The following GPC3 variants were observed in gnomAD, a reference collection of about 807,000 sequenced individuals.
The protein encoded by GPC3 is glypican 3, also known as glypican-3.
In GPC3, 3 loss-of-function variants were observed where a neutral mutation model predicts 34.4. The observed-to-expected ratio is 0.09, with a 90% confidence interval of 0.04 to 0.23. The LOEUF is 0.23. GPC3 is among the 10% of genes least tolerant of loss of function. The pLI is 1.00. For missense variants in GPC3, 351 were observed against 445.6 expected (o/e 0.79, Z 1.91); for synonymous variants, 177 against 174.0 (o/e 1.02, Z -0.13).
intron 2 of GPC3, among the ~76,000 whole-genome samples, chrX:133,805,157 T>C (rs1313987904): frequency 8.9e-6 from 1 of 112,231 alleles, no homozygotes; most frequent in African/African-American, 3.2e-5. Context: ...TGTTTAATTA[T>C]CTGATTATTT....
chrX:133,774,359 G>A (rs892743890), intron 2 of GPC3, among the ~76,000 whole-genome samples: 2 of 111,621 alleles, frequency 1.8e-5, no homozygotes, highest in African/African-American at 3.3e-5. Flanking sequence ...CTGAACACTA[G>A]TGTACCCATT....
rs61754632 is a variant in GPC3 at position 133,953,183 on chromosome X, C to T, written c.204G>A (p.Lys68=). 2,426 of 1,207,011 alleles carry T rather than the reference C, an allele frequency of 2.0e-3. 31 individuals are homozygous for T. The African/African-American group carries it at 0.036, about 18-fold the overall frequency. ...PGSDLQVCLP[K]GPTCCSRKME... is the part of the protein sequence containing the mutation. ...TCTTTCTTGAGCAGCATGTTGGGCC[C>T]TTAGGGAGACATACTTGCAAATCTG... Residue 68 remains lysine (K), a synonymous_variant, in exon 2 of 8, where the codon AAG becomes AAA. Transcript: ENST00000370818.
At chrX:133,847,531 C>T (rs1039984320) in intron 2 of GPC3, among the ~76,000 whole-genome samples, 1 of 112,208 alleles carries the variant, frequency 8.9e-6, no homozygotes, top group African/African-American at 3.2e-5. Context: ...TTTTAGGAGA[C>T]TTTTCCATTG....
intron 2 of GPC3, among the ~76,000 whole-genome samples, chrX:133,891,818 AT>A (rs1282473005): frequency 9.3e-6 from 1 of 106,965 alleles, no homozygotes; most frequent in Non-Finnish European, 1.9e-5. Context: ...AAAAAAAAAA[AT>A]TCTGAGGCAT....
chrX:133,727,725 T>C (rs2071424191), intron 3 of GPC3, among the ~76,000 whole-genome samples: 1 of 112,056 alleles, frequency 8.9e-6, no homozygotes. Flanking sequence ...TCTAAGGATC[T>C]TGCAAGTAGC....
At chrX:133,543,388 G>T (rs188526748) in intron 7 of GPC3, among the ~76,000 whole-genome samples, 13 of 112,119 alleles carry the variant, frequency 1.2e-4, no homozygotes, top group Non-Finnish European at 2.1e-4. Flanking sequence ...CAAAGTGCGT[G>T]GATTACAGGT....
At chrX:133,702,827 C>G (rs2071178725) in intron 3 of GPC3, among the ~76,000 whole-genome samples, 1 of 111,766 alleles carries the variant, frequency 8.9e-6, no homozygotes, top group Non-Finnish European at 1.9e-5. Flanking sequence ...ATCAGACAGG[C>G]TGCATTTTCC....
At chrX:133,733,822 A>G (rs1299462345) in intron 3 of GPC3, among the ~76,000 whole-genome samples, 1 of 112,109 alleles carries the variant, frequency 8.9e-6, no homozygotes, top group African/African-American at 3.2e-5. Flanking sequence ...AATGATTTCT[A>G]AAAACTATCA....
At chrX:133,983,649 G>C (rs961821999) in intron 1 of GPC3, among the ~76,000 whole-genome samples, 12 of 111,780 alleles carry the variant, frequency 1.1e-4, no homozygotes, top group African/African-American at 3.9e-4. Context: ...CATTCATCTT[G>C]TGGGTGCTCA....
At chrX:133,954,130 G>A (rs765186271) in intron 1 of GPC3, among the ~76,000 whole-genome samples, 12 of 111,889 alleles carry the variant, frequency 1.1e-4, no homozygotes, top group Admixed American at 1.9e-4. Flanking sequence ...CTAATCTAGA[G>A]TGACAGAAAG....
rs188512721 is a variant in GPC3 at position 133,602,684 on chromosome X, C to T, written c.1414-6085G>A. ...TTTTCTAAAAGCTAGAAGAGAGGAT[C>T]TGAATGTCCACAACACAAATAATAA... On this transcript the variant is annotated intron_variant, in intron 6 of 7. Transcript: ENST00000370818. Among the ~76,000 whole-genome samples, 202 of 111,390 alleles carry T rather than the reference C, an allele frequency of 1.8e-3. 1 individual carries two copies. Among genetic ancestry groups the T allele is most frequent in the African/African-American group, 6.3e-3 (194 of 30,694 alleles).
intron 2 of GPC3, among the ~76,000 whole-genome samples, chrX:133,898,657 G>T (rs2076130447): frequency 8.9e-6 from 1 of 111,945 alleles, no homozygotes; most frequent in South Asian, 3.7e-4. Context: ...AAATCCAAGG[G>T]TAATGACCGA....
At chrX:133,857,490 G>A (rs1384933780) in intron 2 of GPC3, among the ~76,000 whole-genome samples, 2 of 111,831 alleles carry the variant, frequency 1.8e-5, no homozygotes, top group Non-Finnish European at 3.8e-5. Context: ...AAAGCTATGA[G>A]TTCAGGAGTC....
At chrX:133,682,850 C>T (rs915974813) in intron 5 of GPC3, among the ~76,000 whole-genome samples, 1 of 109,138 alleles carries the variant, frequency 9.2e-6, no homozygotes, top group Non-Finnish European at 1.9e-5. Context: ...GCCTATAATC[C>T]CAGCTACTTG....
intron 2 of GPC3, among the ~76,000 whole-genome samples, chrX:133,869,516 GACT>G (rs1437820360): frequency 8.9e-6 from 1 of 112,246 alleles, no homozygotes; most frequent in Non-Finnish European, 1.9e-5. Flanking sequence ...GATGAGGAAG[GACT>G]ACTGACACAA....
chrX:133,707,124 G>A (rs1028997541), intron 3 of GPC3, among the ~76,000 whole-genome samples: 2 of 111,813 alleles, frequency 1.8e-5, no homozygotes, highest in Non-Finnish European at 1.9e-5. Flanking sequence ...AATACTGCAT[G>A]TTCTCACTTA....
intron 5 of GPC3, among the ~76,000 whole-genome samples, chrX:133,665,284 A>G (rs2070759127): frequency 8.9e-6 from 1 of 112,226 alleles, no homozygotes; most frequent in Admixed American, 9.5e-5. Context: ...AGCTCATTTG[A>G]GCTTCTCAAC....
chrX:133,895,737 G>A (rs974894988), intron 2 of GPC3, among the ~76,000 whole-genome samples: 3 of 110,443 alleles, frequency 2.7e-5, no homozygotes, highest in Non-Finnish European at 5.7e-5. Context: ...TTTAAACAGC[G>A]CACACACACA....
At chrX:133,601,935 A>T (rs1441793472) in intron 6 of GPC3, among the ~76,000 whole-genome samples, 1 of 112,288 alleles carries the variant, frequency 8.9e-6, no homozygotes, top group South Asian at 3.7e-4. Context: ...AAAGGAAAAG[A>T]AATGAGTATA....
Sources: allele counts gnomAD v4.1 joint callset (sites outside exome capture counted in the v4.1 genomes callset), GRCh38; gene constraint gnomAD v4.1.1; transcripts MANE v1.5; gene names NCBI Gene and HGNC (gene_info 2026-07-23, HGNC 2026-07-21).